The following TEX101 variants were observed in gnomAD, a reference collection of about 807,000 sequenced individuals.
The protein encoded by TEX101 is testis expressed 101, also known as testis-expressed protein 101.
Under a neutral mutation model 18.1 loss-of-function variants are expected in TEX101, and 10 were observed. That is an observed-to-expected ratio of 0.55 (90% confidence interval 0.34 to 0.94). The LOEUF is 0.94. Among genes scored for constraint, TEX101 ranks in the 40% least tolerant of loss-of-function variants. TEX101 has a pLI of 0.02. For synonymous variants in TEX101, 94 were observed against 114.8 expected (o/e 0.82, Z 1.16); for missense variants, 259 against 298.9 (o/e 0.87, Z 0.98).
At chr19:43,391,406 C>CTTTTTTTTTTTTTTTTTTTTTTTTTTTT in the TEX101 span, among the ~76,000 whole-genome samples, 4 of 95,898 alleles carry the variant, frequency 4.2e-5, no homozygotes, top group Non-Finnish European at 5.9e-5. Flanking sequence ...TTCTGTTTTT[C>CTTTTTTTTTTTTTTTTTTTTTTTTTTTT]TTTTTTTTTT....
upstream of TEX101, among the ~76,000 whole-genome samples, chr19:43,401,161 A>C (rs745693387): frequency 9.2e-5 from 14 of 152,344 alleles, no homozygotes; most frequent in Non-Finnish European, 1.5e-4. Context: ...GTAAACAGAC[A>C]AAAAAATGCA....
At chr19:43,410,934 T>C (rs564280344), upstream of TEX101, among the ~76,000 whole-genome samples, 3 of 152,266 alleles carry the variant, frequency 2.0e-5, no homozygotes, top group East Asian at 5.8e-4. Flanking sequence ...ACAGTGGCGT[T>C]ATCTCGGCTC....
At chr19:43,398,281 A>G (rs1043867404), upstream of TEX101, among the ~76,000 whole-genome samples, 3 of 129,934 alleles carry the variant, frequency 2.3e-5, no homozygotes, top group East Asian at 4.1e-4. Flanking sequence ...ATATATTTAT[A>G]TATACTTTTT....
chr19:43,391,557 T>C, the TEX101 span, among the ~76,000 whole-genome samples: 1 of 152,156 alleles, frequency 6.6e-6, no homozygotes, highest in Non-Finnish European at 1.5e-5. Context: ...TAATTTTACA[T>C]TTCCTCCTTT....
chr19:43,399,800 C>T (rs951155778), upstream of TEX101, among the ~76,000 whole-genome samples: 2 of 141,186 alleles, frequency 1.4e-5, no homozygotes, highest in Middle Eastern at 4.1e-3. Flanking sequence ...CTCCTATGTC[C>T]TATTTTTTTT....
chr19:43,417,182 C>G (rs1970489345), intron 4 of TEX101, among the ~76,000 whole-genome samples: 1 of 152,146 alleles, frequency 6.6e-6, no homozygotes. Context: ...CCCTTCCTGT[C>G]TTTTCAGCTT....
At chr19:43,399,052 T>C (rs767034805), upstream of TEX101, among the ~76,000 whole-genome samples, 5 of 152,226 alleles carry the variant, frequency 3.3e-5, no homozygotes, top group Non-Finnish European at 5.9e-5. Flanking sequence ...TGACATGACA[T>C]AGACTGTGAG....
At chr19:43,389,222 T>C in the TEX101 span, among the ~76,000 whole-genome samples, 4,001 of 152,290 alleles carry the variant, frequency 0.026, 62 homozygotes, top group Middle Eastern at 0.1. Context: ...TGGGGAATGT[T>C]CTGTCTTCCC....
In TEX101 at chr19:43,418,486, G is replaced by A. The variant is rs1455889058; in HGVS notation, c.*89G>A. The A allele has an allele frequency of 3.0e-6, 3 of 1,010,852 alleles. No individual in the cohort carries two copies. The highest frequency in any genetic ancestry group is 1.5e-5 in the South Asian group (1 of 65,160). The allele number at this position is 1,010,852 out of a possible 1,614,324, so 62.6% of individuals were successfully genotyped here. On this transcript the variant is annotated 3_prime_UTR_variant, in exon 6 of 6. Transcript: ENST00000598265. ...GGTTCAACAAGCTGAGGAGTAGATG[G>A]GAATTTGAGGGAGAATACAGAGATA...
chr19:43,404,055 T>C (rs1599897185), intron 2 of TEX101, among the ~76,000 whole-genome samples: 1 of 123,214 alleles, frequency 8.1e-6, no homozygotes, highest in East Asian at 2.9e-4. Flanking sequence ...AAAAAGATGG[T>C]CAAAAGTGTG....
At chr19:43,396,506 C>T (rs777636166), upstream of TEX101, among the ~76,000 whole-genome samples, 5 of 152,198 alleles carry the variant, frequency 3.3e-5, no homozygotes, top group Non-Finnish European at 5.9e-5. Context: ...TAGCCTGTAA[C>T]GCTTTTTAAC....
chr19:43,403,975 C>T (rs1052386038), intron 2 of TEX101, among the ~76,000 whole-genome samples: 8 of 149,238 alleles, frequency 5.4e-5, no homozygotes, highest in South Asian at 2.1e-4. Context: ...GGAGGTGGAG[C>T]GTGCAGTGAG....
At chr19:43,405,352 T>C (rs1970351153) in intron 2 of TEX101, among the ~76,000 whole-genome samples, 1 of 151,694 alleles carries the variant, frequency 6.6e-6, no homozygotes, top group African/African-American at 2.4e-5. Flanking sequence ...GTGGATCACC[T>C]GAGGTCAGGA....
chr19:43,404,069 G>GTTT (rs33928385), intron 2 of TEX101, among the ~76,000 whole-genome samples: 4,480 of 103,040 alleles, frequency 0.043, 190 homozygotes, highest in African/African-American at 0.12. Flanking sequence ...AAGTGTGTGG[G>GTTT]TTTTTTTTTT....
At chr19:43,403,077 T>A in intron 2 of TEX101, among the ~76,000 whole-genome samples, 1 of 152,134 alleles carries the variant, frequency 6.6e-6, no homozygotes, top group Non-Finnish European at 1.5e-5. Flanking sequence ...CCAACTGCCA[T>A]CTGGCGATAA....
At chr19:43,393,301 A>G in the TEX101 span, among the ~76,000 whole-genome samples, 68 of 152,262 alleles carry the variant, frequency 4.5e-4, no homozygotes, top group African/African-American at 1.5e-3. Flanking sequence ...AGGGCGACCC[A>G]ATGCCCAGTG....
chr19:43,392,032 C>T, the TEX101 span, among the ~76,000 whole-genome samples: 1 of 152,122 alleles, frequency 6.6e-6, no homozygotes, highest in Admixed American at 6.5e-5. Context: ...ACATGAAGCC[C>T]CTGGCTTAGG....
At chr19:43,389,649 G>A in the TEX101 span, among the ~76,000 whole-genome samples, 1 of 152,150 alleles carries the variant, frequency 6.6e-6, no homozygotes, top group Non-Finnish European at 1.5e-5. Context: ...GCTGGAGTGA[G>A]CTGGGCGGTT....
At position 43,416,358 on chromosome 19, in the gene TEX101, C is replaced by CCTGT; in HGVS notation, c.209-12_209-9dup. The CCTGT allele has an allele frequency of 6.2e-7, 1 of 1,607,152 alleles. No individual in the cohort carries two copies. The highest frequency in any genetic ancestry group is 8.5e-7 in the Non-Finnish European group (1 of 1,175,420). On this transcript the variant is annotated splice_polypyrimidine_tract_variant and intron_variant, in intron 3 of 5. Coordinates refer to ENST00000598265, the MANE Select transcript of TEX101 (RefSeq NM_001130011.3). ...CGGCCACCATCCATTTCCCCTCCTTCCTGTCTCATAACAGGGACTGAGACA... is the reference window on the plus strand; with the variant it reads ...CGGCCACCATCCATTTCCCCTCCTTCCTGTCTGTCTCATAACAGGGACTGAGACA...
Sources: allele counts gnomAD v4.1 joint callset (sites outside exome capture counted in the v4.1 genomes callset), GRCh38; gene constraint gnomAD v4.1.1; transcripts MANE v1.5; gene names NCBI Gene and HGNC (gene_info 2026-07-23, HGNC 2026-07-21).